Variants in CTNNA1 observed in about 807,000 individuals in gnomAD.
CTNNA1 encodes the protein catenin alpha 1.
CTNNA1 carries 37 observed loss-of-function variants against 98.4 expected under a neutral mutation model. That is an observed-to-expected ratio of 0.38 (90% CI 0.29 to 0.49). The LOEUF is 0.49. Among genes scored for constraint, CTNNA1 ranks in the 20% least tolerant of loss-of-function variants. The pLI is 0.95. For synonymous variants in CTNNA1, 404 were observed against 413.2 expected (o/e 0.98, Z 0.27); for missense variants, 761 against 1,147.2 (o/e 0.66, Z 4.86).
At chr5:138,864,657 T>C (rs1561608650) in intron 7 of CTNNA1, among the ~76,000 whole-genome samples, 1 of 152,174 alleles carries the variant, frequency 6.6e-6, no homozygotes, top group African/African-American at 2.4e-5. Flanking sequence ...CAAAGACAAC[T>C]TGTGAGGTTA....
chr5:138,923,652 T>C (rs1407969712), intron 11 of CTNNA1, among the ~76,000 whole-genome samples: 1 of 152,116 alleles, frequency 6.6e-6, no homozygotes, highest in East Asian at 1.9e-4. Context: ...AGCCTCTAGA[T>C]CTGTATCATC....
At chr5:138,868,520 A>G (rs1298526982) in intron 7 of CTNNA1, among the ~76,000 whole-genome samples, 1 of 152,102 alleles carries the variant, frequency 6.6e-6, no homozygotes, top group Non-Finnish European at 1.5e-5. Context: ...GCTGTTGGCT[A>G]GATACAGGCA....
chr5:138,848,370 T>C (rs1194850470), intron 7 of CTNNA1, among the ~76,000 whole-genome samples: 1 of 152,262 alleles, frequency 6.6e-6, no homozygotes, highest in Non-Finnish European at 1.5e-5. Context: ...TATATTTGAA[T>C]TGTTCACACT....
chr5:138,880,162 T>G (rs914999073), intron 7 of CTNNA1: 1 of 152,100 alleles, frequency 6.6e-6, no homozygotes, highest in Admixed American at 6.6e-5. Context: ...TATCTTGAAG[T>G]TTTTGTGTTT....
intron 3 of CTNNA1, among the ~76,000 whole-genome samples, chr5:138,792,390 C>T (rs7729427): frequency 0.036 from 5,466 of 152,230 alleles, 263 homozygotes; most frequent in African/African-American, 0.11. Context: ...CTGTCCAGTG[C>T]AGATGTTGAC....
At chr5:138,817,418 T>C (rs1426154831) in intron 5 of CTNNA1, among the ~76,000 whole-genome samples, 1 of 152,228 alleles carries the variant, frequency 6.6e-6, no homozygotes, top group Non-Finnish European at 1.5e-5. Context: ...TCAATCTCTT[T>C]GGGGACTTTT....
At chr5:138,866,372 A>G (rs114740452) in intron 7 of CTNNA1, among the ~76,000 whole-genome samples, 1,682 of 151,854 alleles carry the variant, frequency 0.011, 27 homozygotes, top group African/African-American at 0.039. Context: ...CTTATGCTCT[A>G]AACACAATTG....
chr5:138,818,913 A>G (rs1759728415), intron 5 of CTNNA1, among the ~76,000 whole-genome samples: 1 of 152,006 alleles, frequency 6.6e-6, no homozygotes, highest in African/African-American at 2.4e-5. Flanking sequence ...CTTGGGATGT[A>G]TTGAGTGCCT....
chr5:138,802,325 A>G (rs1216403811), intron 3 of CTNNA1, among the ~76,000 whole-genome samples: 3 of 152,094 alleles, frequency 2.0e-5, no homozygotes, highest in African/African-American at 7.2e-5. Flanking sequence ...TGCATAGACA[A>G]AAGTATTTAT....
chr5:138,872,985 T>A, intron 7 of CTNNA1: 1 of 1,507,936 alleles, frequency 6.6e-7, no homozygotes, highest in Non-Finnish European at 9.1e-7. Flanking sequence ...ACTTATCTGA[T>A]GTGATTTTTG....
At chr5:138,844,030 G>A (rs1762490405) in intron 7 of CTNNA1, among the ~76,000 whole-genome samples, 1 of 151,904 alleles carries the variant, frequency 6.6e-6, no homozygotes, top group Non-Finnish European at 1.5e-5. Context: ...GCTTTTTTTG[G>A]AGACTTGGCC....
Position 138,753,469 on chromosome 5 carries a change from C to T in CTNNA1, c.-44C>T. Reference sequence around the variant, plus strand: ...AGGGAGACAAAGCAGCGCCCGTCTGCTTCGGGCCTCTGGAATTTAGCGCTC... The same window carrying T: ...AGGGAGACAAAGCAGCGCCCGTCTGTTTCGGGCCTCTGGAATTTAGCGCTC... On this transcript the variant is annotated 5_prime_UTR_variant, in exon 1 of 18. Coordinates refer to ENST00000302763, the MANE Select transcript of CTNNA1 (RefSeq NM_001903.5). The T allele has an allele frequency of 2.6e-6, 1 of 378,050 alleles. No individual in the cohort carries two copies. The highest frequency in any genetic ancestry group is 4.6e-5 in the Admixed American group (1 of 21,922). The allele number at this position is 378,050 out of a possible 1,614,324, so 23.4% of individuals were successfully genotyped here.
At chr5:138,837,454 T>TTCC (rs1761887022) in intron 7 of CTNNA1, among the ~76,000 whole-genome samples, 1 of 143,298 alleles carries the variant, frequency 7.0e-6, no homozygotes, top group Admixed American at 6.9e-5. Context: ...TTTCCTCCTG[T>TTCC]TCCTCCTCCT....
chr5:138,897,508 G>A (rs927735242), intron 9 of CTNNA1, among the ~76,000 whole-genome samples: 14 of 152,198 alleles, frequency 9.2e-5, no homozygotes, highest in Middle Eastern at 3.4e-3. Context: ...CTGACCTGAC[G>A]TGACTACCTG....
At chr5:138,828,049 T>G in intron 7 of CTNNA1, 1 of 231,188 alleles carries the variant, frequency 4.3e-6, no homozygotes, top group Non-Finnish European at 8.7e-6. Context: ...ACATCCTTTT[T>G]TCCCCCGAAG....
At chr5:138,845,338 G>A (rs538811830) in intron 7 of CTNNA1, among the ~76,000 whole-genome samples, 6 of 152,270 alleles carry the variant, frequency 3.9e-5, no homozygotes, top group South Asian at 2.1e-4. Flanking sequence ...CTGAGAATCC[G>A]GTGAATCAAC....
chr5:138,901,084 T>A (rs1179518705), intron 9 of CTNNA1, among the ~76,000 whole-genome samples: 1 of 152,198 alleles, frequency 6.6e-6, no homozygotes, highest in Non-Finnish European at 1.5e-5. Context: ...TCTGCTGGGT[T>A]CTCTGTGGAA....
At chr5:138,768,226 T>C (rs780361350) in intron 1 of CTNNA1, among the ~76,000 whole-genome samples, 1 of 152,230 alleles carries the variant, frequency 6.6e-6, no homozygotes, top group Admixed American at 6.5e-5. Context: ...GTAGATGTTC[T>C]CCATTTTGGA....
intron 3 of CTNNA1, among the ~76,000 whole-genome samples, chr5:138,801,425 A>G (rs978300138): frequency 2.6e-5 from 4 of 152,240 alleles, no homozygotes; most frequent in Non-Finnish European, 4.4e-5. Flanking sequence ...TCTGGATTAC[A>G]TGATGAGTTT....
Sources: gnomAD v4.1 joint callset for allele counts (sites outside exome capture counted in the v4.1 genomes callset) on GRCh38, gnomAD v4.1.1 for gene constraint, MANE v1.5 for transcripts, NCBI Gene and HGNC (gene_info 2026-07-23, HGNC 2026-07-21) for gene names.